Variants in NFKBIZ observed in about 807,000 individuals in gnomAD.
The protein encoded by NFKBIZ is NF-kappa-B inhibitor zeta.
In NFKBIZ, 19 loss-of-function variants were observed where a neutral mutation model predicts 76.8. The ratio of observed to expected loss-of-function variants is 0.25; its 90% CI spans 0.17 to 0.36. The LOEUF (loss-of-function observed/expected upper bound fraction) is 0.36. NFKBIZ is among the 10% of genes least tolerant of loss of function. The pLI is 1.00. For synonymous variants in NFKBIZ, 368 were observed against 354.8 expected, an observed-to-expected ratio of 1.04 and a Z score of -0.42; for missense variants, 829 against 910.9, an observed-to-expected ratio of 0.91 and a Z score of 1.16.
intron 2 of NFKBIZ, among the ~76,000 whole-genome samples, chr3:101,835,430 G>A (rs1942706504): frequency 1.3e-5 from 2 of 152,166 alleles, no homozygotes; most frequent in African/African-American, 2.4e-5. Context: ...TAGGGCTGCC[G>A]TAACACAATA....
intron 2 of NFKBIZ, among the ~76,000 whole-genome samples, chr3:101,844,038 C>G (rs559528850): frequency 6.6e-6 from 1 of 152,298 alleles, no homozygotes; most frequent in South Asian, 2.1e-4. Context: ...CATTAAAACA[C>G]AAAACCAAAC....
chr3:101,834,825 G>A (rs1942694507), intron 2 of NFKBIZ, among the ~76,000 whole-genome samples: 1 of 152,166 alleles, frequency 6.6e-6, no homozygotes, highest in Non-Finnish European at 1.5e-5. Context: ...CCACACAGCT[G>A]CCACTGTGAT....
Position 101,853,273 on chromosome 3 carries a change from C to T in NFKBIZ, c.747C>T (p.Ser249=). ...WLNPVVVPQS[S]PAEQCQDFHG... ...ACCCCGTGGTGGTCCCTCAGAGCTC[C>T]CCCGCAGAGCAGTGTCAGGACTTCC... The change falls in exon 5 of 12, where the codon TCC becomes TCT. Residue 249 remains serine, a synonymous_variant. Transcript: ENST00000326172. 1.9e-6 allele frequency: 3 copies of T among 1,614,152 alleles called. No individual in the cohort carries two copies. Among genetic ancestry groups the T allele is most frequent in the Non-Finnish European group, 2.5e-6 (3 of 1,180,036 alleles).
chr3:101,856,838 C>G (rs1293068484), intron 9 of NFKBIZ: 2 of 410,904 alleles, frequency 4.9e-6, no homozygotes, highest in Non-Finnish European at 8.7e-6. Flanking sequence ...TTATGGCCAC[C>G]CTGTATAAAA....
At chr3:101,855,953 T>C (rs1943043280) in intron 9 of NFKBIZ, 51 bp downstream of exon 9, 2 of 1,488,492 alleles carry the variant, frequency 1.3e-6, no homozygotes, top group Admixed American at 2.2e-5. Flanking sequence ...ACTGGTTATA[T>C]AGCAAAAGAC....
At position 101,859,324 on chromosome 3, in the gene NFKBIZ, C is replaced by T. The variant is rs770992817; in HGVS notation, c.2110C>T (p.Arg704Cys). The T allele has an allele frequency of 1.2e-4, 197 of 1,613,180 alleles. 1 individual carries two copies. The highest frequency in any genetic ancestry group is 1.6e-4 in the Middle Eastern group (1 of 6,074). ...PDGPVGEQIR[R>C]ILKGKSIQQR... ...TTATTTGTTTCTCTTCCAGATCCGA[C>T]GTATCCTGAAGGGAAAGTCCATTCA... The change falls in exon 12 of 12, where the codon CGT becomes TGT. Residue 704 changes from arginine to cysteine, a missense_variant. Physicochemically the swap from Arg to Cys is radical, Grantham distance 180. This residue lies in a region of NFKBIZ where 272 missense variants were observed against 384.2 expected (regional missense o/e 0.71). Transcript: ENST00000326172.
At chr3:101,837,266 C>G (rs916280757) in intron 2 of NFKBIZ, among the ~76,000 whole-genome samples, 1 of 152,042 alleles carries the variant, frequency 6.6e-6, no homozygotes, top group African/African-American at 2.4e-5. Context: ...CTCAGTAAAT[C>G]TAGCTTTTCT....
At position 101,852,075 on chromosome 3, in the gene NFKBIZ, T is replaced by G. The variant is rs1942973422; in HGVS notation, c.290-10T>G. The stretch of plus-strand genomic sequence containing the variant: ...TTAACCAGGAATATGTTTTGTTTTC[T>G]TTTGAACAGTTGAGCCCCATATGGG... On this transcript the variant is annotated splice_polypyrimidine_tract_variant and intron_variant, in intron 1 of 11. Coordinates refer to ENST00000326172, the MANE Select transcript of NFKBIZ (RefSeq NM_031419.4). The G allele has an allele frequency of 1.2e-6, 2 of 1,606,724 alleles. No homozygotes were observed. The highest frequency in any genetic ancestry group is 1.1e-5 in the South Asian group (1 of 89,864).
chr3:101,854,103 C>G (rs1220766270), intron 5 of NFKBIZ, among the ~76,000 whole-genome samples: 1 of 152,114 alleles, frequency 6.6e-6, no homozygotes, highest in Non-Finnish European at 1.5e-5. Context: ...ATATCTGTAT[C>G]TTCTTGATTA....
intron 9 of NFKBIZ, 52 bp downstream of exon 9, chr3:101,855,954 A>T (rs778930772): frequency 6.8e-7 from 1 of 1,477,920 alleles, no homozygotes; most frequent in South Asian, 1.3e-5. Context: ...CTGGTTATAT[A>T]GCAAAAGACC....
chr3:101,835,871 A>G (rs181269474), intron 2 of NFKBIZ, among the ~76,000 whole-genome samples: 1 of 152,316 alleles, frequency 6.6e-6, no homozygotes, highest in Admixed American at 6.5e-5. Context: ...GGAAGGTCAT[A>G]AGGTCCAATT....
rs1331046276 is a variant in NFKBIZ, at chr3:101,860,798, TTAAAA to T, written c.*1428_*1432del. On this transcript the variant is annotated 3_prime_UTR_variant, in exon 12 of 12. Transcript: ENST00000326172. ...TTGACTCATTAAAAACCTTTTTTTT[TTAAAA>T]AAAAAAAAAAAGAAAATCTCATTAG... is the stretch of plus-strand genomic sequence containing the variant. 8 of 130,040 alleles carry T rather than the reference TTAAAA, an allele frequency of 6.2e-5. No individual in the cohort carries two copies. The highest frequency in any genetic ancestry group is 7.5e-5 in the Admixed American group (1 of 13,322). The allele number at this position is 130,040 out of a possible 1,614,324, so 8.1% of individuals were successfully genotyped here. A position where few individuals can be genotyped will look rare whatever the true frequency, so the allele number is the denominator to read the frequency against.
In NFKBIZ at chr3:101,857,359, C is replaced by T; in HGVS notation, c.2003C>T (p.Ala668Val). The change falls in exon 11 of 12, where the codon GCT becomes GTT. Residue 668 changes from alanine to valine, a missense_variant. Ala to Val is a moderately conservative substitution (Grantham distance 64). This residue lies in a region of NFKBIZ where 272 missense variants were observed against 384.2 expected (regional missense o/e 0.71). Coordinates refer to ENST00000326172, the MANE Select transcript of NFKBIZ (RefSeq NM_031419.4). ...SLQYRLTQLD[A>V]VRLLMRKGAD... Reference sequence around the variant, plus strand: ...CAGTATCGGTTGACACAATTAGATGCTGTCCGCCTGTTGATGAGGAAGGGA... The same window carrying T: ...CAGTATCGGTTGACACAATTAGATGTTGTCCGCCTGTTGATGAGGAAGGGA... 6.2e-7 allele frequency: 1 copy of T among 1,614,238 alleles called. No individual in the cohort carries two copies. Among genetic ancestry groups the T allele is most frequent in the Non-Finnish European group, 8.5e-7 (1 of 1,180,044 alleles).
upstream of NFKBIZ, among the ~76,000 whole-genome samples, chr3:101,847,421 CT>C (rs1417311442): frequency 3.3e-5 from 5 of 152,336 alleles, no homozygotes; most frequent in Admixed American, 1.3e-4. Flanking sequence ...GGGAAATACA[CT>C]TGTGAGAAAC....
rs939497196 is a variant in NFKBIZ, at chr3:101,852,221, T to C, written c.426T>C (p.Phe142=). The C allele has an allele frequency of 1.9e-6, 3 of 1,613,778 alleles. No homozygotes were observed. The highest frequency in any genetic ancestry group is 2.5e-6 in the Non-Finnish European group (3 of 1,179,882). ...QKASGQAVDD[F]KTQGVNIEQF... ...CTTCTGGCCAAGCTGTGGATGATTT[T>C]AAGGTGACATCTATTTTTCTGTTTT... Residue 142 remains phenylalanine, a synonymous_variant, in exon 2 of 12, where the codon TTT becomes TTC. Transcript: ENST00000326172.
At chr3:101,847,416 A>G (rs970435379), upstream of NFKBIZ, among the ~76,000 whole-genome samples, 5 of 152,270 alleles carry the variant, frequency 3.3e-5, no homozygotes, top group African/African-American at 9.6e-5. Context: ...TTTTAGGGAA[A>G]TACACTTGTG....
chr3:101,857,433 G>A lies in NFKBIZ; in HGVS notation c.2077G>A (p.Val693Ile). ...NLENEQPVHL[V>I]PDGPVGEQIR... ...GGAGAACGAACAGCCAGTGCATTTG[G>A]TTCCCGATGGCCCTGTGGGAGAACA... The change falls in exon 11 of 12, where the codon GTT becomes ATT. Residue 693 changes from valine (V) to isoleucine (I), a missense_variant. Val to Ile is a conservative substitution (Grantham distance 29). Around this residue, in one of 4 missense-constraint regions of NFKBIZ, gnomAD observed 272 missense variants for 384.2 expected, o/e 0.71. Transcript: ENST00000326172. 3 of 1,614,178 alleles carry A rather than the reference G, an allele frequency of 1.9e-6. No individual in the cohort carries two copies. The highest frequency in any genetic ancestry group is 1.7e-6 in the Non-Finnish European group (2 of 1,180,036).
chr3:101,853,226 A>G lies in NFKBIZ; in HGVS notation c.700A>G (p.Thr234Ala), dbSNP rs1336853605. ...TGAATGCAGCCCCGTTTCCCTGAACACAGTTCAAGTTAGCTGGCTGAACCC... is the reference window on the plus strand; with the variant it reads ...TGAATGCAGCCCCGTTTCCCTGAACGCAGTTCAAGTTAGCTGGCTGAACCC... ...KNECSPVSLN[T>A]VQVSWLNPVV... Residue 234 changes from threonine to alanine, a missense_variant, in exon 5 of 12, where the codon ACA becomes GCA. This residue lies in a region of NFKBIZ where 371 missense variants were observed against 332.3 expected (regional missense o/e 1.12). Transcript: ENST00000326172. The G allele has an allele frequency of 6.2e-7, 1 of 1,614,088 alleles. No individual in the cohort carries two copies. Among genetic ancestry groups the G allele is most frequent in the Non-Finnish European group, 8.5e-7 (1 of 1,180,046 alleles).
intron 2 of NFKBIZ, among the ~76,000 whole-genome samples, chr3:101,840,612 A>C (rs905577697): frequency 2.6e-5 from 4 of 152,208 alleles, no homozygotes; most frequent in Non-Finnish European, 5.9e-5. Context: ...TTCAGTTTAA[A>C]CACTTGGATT....
Sources: gnomAD v4.1 joint callset for allele counts (sites outside exome capture counted in the v4.1 genomes callset) on GRCh38, gnomAD v4.1.1 for gene constraint, gnomAD v4.1.1 regional missense constraint, MANE v1.5 for transcripts, NCBI Gene and HGNC (gene_info 2026-07-23, HGNC 2026-07-21) for gene names.